NFIB: variants seen among roughly 807,000 people sequenced by gnomAD.
NFIB encodes the protein nuclear factor I B.
Under a neutral mutation model 61.5 loss-of-function variants are expected in NFIB, and 11 were observed. The ratio of observed to expected loss-of-function variants is 0.18; its 90% CI spans 0.11 to 0.30. The LOEUF (loss-of-function observed/expected upper bound fraction) is 0.30, where lower values mean the gene tolerates loss of function less well. Ranked by LOEUF, NFIB falls within the 10% of genes least tolerant of loss-of-function variation. The pLI is 1.00. For synonymous variants in NFIB, 260 were observed against 216.5 expected, an observed-to-expected ratio of 1.20 and a Z score of -1.76; for missense variants, 471 against 608.9, an observed-to-expected ratio of 0.77 and a Z score of 2.38.
chr9:14,357,774 G>A (rs868633445), intron 1 of NFIB: 15 of 152,158 alleles, frequency 9.9e-5, no homozygotes, highest in African/African-American at 2.9e-4. Context: ...TAAACTTAAC[G>A]TGGGATATAC....
the NFIB span, among the ~76,000 whole-genome samples, chr9:14,485,343 A>G: frequency 1.4e-5 from 2 of 144,268 alleles, no homozygotes; most frequent in African/African-American, 5.7e-5. Flanking sequence ...ATAAAGGTCA[A>G]TTTACCTGAT....
At chr9:14,528,662 G>T in the NFIB span, among the ~76,000 whole-genome samples, 2 of 152,106 alleles carry the variant, frequency 1.3e-5, no homozygotes, top group Non-Finnish European at 2.9e-5. Flanking sequence ...ATTTATGAAA[G>T]TTGGAGAAAA....
At chr9:14,347,855 G>T (rs1433018088) in intron 1 of NFIB, among the ~76,000 whole-genome samples, 2 of 152,170 alleles carry the variant, frequency 1.3e-5, no homozygotes, top group African/African-American at 4.8e-5. Flanking sequence ...CTCGCCGAGG[G>T]TCCCAGTATC....
At chr9:14,122,004 A>G (rs2039002532) in intron 7 of NFIB, among the ~76,000 whole-genome samples, 1 of 152,150 alleles carries the variant, frequency 6.6e-6, no homozygotes, top group African/African-American at 2.4e-5. Flanking sequence ...TAGAAGTGAA[A>G]AGTAAATGTC....
intron 10 of NFIB, among the ~76,000 whole-genome samples, chr9:14,094,809 T>C (rs2118654908): frequency 6.6e-6 from 1 of 152,244 alleles, no homozygotes; most frequent in African/African-American, 2.4e-5. Context: ...TTGCTACTCC[T>C]TGGGGACCAA....
At chr9:14,419,243 T>C in the NFIB span, among the ~76,000 whole-genome samples, 1 of 148,216 alleles carries the variant, frequency 6.7e-6, no homozygotes, top group African/African-American at 2.5e-5. Flanking sequence ...TTGGAAACTT[T>C]TCATAGGGGA....
chr9:14,179,987 C>A (rs2046585966), intron 2 of NFIB, among the ~76,000 whole-genome samples: 1 of 152,030 alleles, frequency 6.6e-6, no homozygotes, highest in South Asian at 2.1e-4. Context: ...AAAAGAAAAA[C>A]ACAAGTATTG....
intron 2 of NFIB, among the ~76,000 whole-genome samples, chr9:14,223,036 C>T (rs918940765): frequency 2.0e-5 from 3 of 152,232 alleles, no homozygotes; most frequent in South Asian, 4.1e-4. Flanking sequence ...CACACATACA[C>T]TAACACTAAC....
In NFIB at chr9:14,127,708, A is replaced by T. The variant is rs193136191; in HGVS notation, c.926-1942T>A. The stretch of plus-strand genomic sequence containing the variant: ...AATTATCATTACATTTTACCATTTG[A>T]AAAATTACCTAAGCTCTGGTAAAGG... On this transcript the variant is annotated intron_variant, in intron 6 of 10. Transcript: ENST00000380953. Among the ~76,000 whole-genome samples the T allele has an allele frequency of 8.8e-4, 134 of 152,342 alleles. 1 individual carries two copies. Among genetic ancestry groups the T allele is most frequent in the South Asian group, 8.7e-3 (42 of 4,826 alleles).
upstream of NFIB, among the ~76,000 whole-genome samples, chr9:14,402,081 C>T (rs2061748026): frequency 6.6e-6 from 1 of 151,940 alleles, no homozygotes; most frequent in African/African-American, 2.4e-5. Flanking sequence ...AAAATTTTCC[C>T]CAGAGACAGA....
intron 10 of NFIB, among the ~76,000 whole-genome samples, chr9:14,089,581 T>C (rs929736926): frequency 6.6e-6 from 1 of 152,108 alleles, no homozygotes; most frequent in Non-Finnish European, 1.5e-5. Context: ...TAAATAATCA[T>C]GAACCAAGAA....
At chr9:14,328,653 G>C (rs994622291) in intron 1 of NFIB, among the ~76,000 whole-genome samples, 5 of 151,822 alleles carry the variant, frequency 3.3e-5, no homozygotes, top group African/African-American at 4.8e-5. Context: ...TGATTGCATA[G>C]TTATAATCTT....
intron 7 of NFIB, among the ~76,000 whole-genome samples, chr9:14,121,706 G>C (rs1474982312): frequency 2.0e-5 from 3 of 152,168 alleles, no homozygotes; most frequent in Middle Eastern, 6.9e-3. Flanking sequence ...ACACAGCAAT[G>C]AAAATTTAAG....
At chr9:14,510,004 C>T in the NFIB span, among the ~76,000 whole-genome samples, 1 of 152,188 alleles carries the variant, frequency 6.6e-6, no homozygotes, top group African/African-American at 2.4e-5. Flanking sequence ...TCAAGTGATT[C>T]TCCTGCCTCA....
rs1207435536 is a variant in NFIB, at chr9:14,141,902, C to CAAAAAAAAAAAAAAAAAAAAAAAA, written c.925+4763_925+4786dup. Reference sequence around the variant, plus strand: ...TTGCAATAAATCTTGCTGCTGCTCACAAAAAAAAAAAAAAAAAAAAAAAAC... The same window carrying CAAAAAAAAAAAAAAAAAAAAAAAA: ...TTGCAATAAATCTTGCTGCTGCTCACAAAAAAAAAAAAAAAAAAAAAAAAAAAAAAAAAAAAAAAAAAAAAAAAC... On this transcript the variant is annotated intron_variant, in intron 6 of 10. Coordinates refer to ENST00000380953, the MANE Select transcript of NFIB (RefSeq NM_001190737.2). Among the ~76,000 whole-genome samples, 3 of 53,606 alleles carry CAAAAAAAAAAAAAAAAAAAAAAAA rather than the reference C, an allele frequency of 5.6e-5. 1 individual carries two copies. The highest frequency in any genetic ancestry group is 2.2e-4 in the African/African-American group (3 of 13,810). 35.2% of individuals were successfully genotyped at this position (53,606 alleles called of 152,430 possible). A position where few individuals can be genotyped will look rare whatever the true frequency, so the allele number is the denominator to read the frequency against.
the NFIB span, among the ~76,000 whole-genome samples, chr9:14,428,317 A>G: frequency 3.4e-4 from 52 of 152,146 alleles, no homozygotes; most frequent in African/African-American, 1.2e-3. Flanking sequence ...AATCCATTTT[A>G]TAAGCAAGTA....
At chr9:14,465,505 T>C in the NFIB span, among the ~76,000 whole-genome samples, 1 of 152,182 alleles carries the variant, frequency 6.6e-6, no homozygotes, top group South Asian at 2.1e-4. Context: ...AATGGCTCAT[T>C]AATGATTTAT....
chr9:14,525,661 G>A, the NFIB span, among the ~76,000 whole-genome samples: 1 of 152,132 alleles, frequency 6.6e-6, no homozygotes, highest in Non-Finnish European at 1.5e-5. Flanking sequence ...TGCTAACCAT[G>A]AGAAAATATT....
chr9:14,388,363 AGAAAGAAGGAAG>A (rs1445499777), intron 1 of NFIB, among the ~76,000 whole-genome samples: 1,729 of 81,664 alleles, frequency 0.021, 39 homozygotes, highest in East Asian at 0.11. Flanking sequence ...AAAAAGAGAA[AGAAAGAAGGAAG>A]GAAGGAAGGA....
Sources: gnomAD v4.1 joint callset for allele counts (sites outside exome capture counted in the v4.1 genomes callset) on GRCh38, gnomAD v4.1.1 for gene constraint, MANE v1.5 for transcripts, NCBI Gene and HGNC (gene_info 2026-07-23, HGNC 2026-07-21) for gene names.